PKP4: variants seen among roughly 807,000 people sequenced by gnomAD.
PKP4 encodes the protein plakophilin 4.
PKP4 carries 90 observed loss-of-function variants against 145.1 expected under a neutral mutation model. That is an observed-to-expected ratio of 0.62 (90% confidence interval 0.52 to 0.74). The LOEUF is 0.74. Ranked by LOEUF, PKP4 falls within the 30% of genes least tolerant of loss-of-function variation. PKP4 has a pLI of 0.00. For missense variants in PKP4, 1,340 were observed against 1,482.7 expected, an observed-to-expected ratio of 0.90 and a Z score of 1.58; for synonymous variants, 563 against 577.2, an observed-to-expected ratio of 0.98 and a Z score of 0.35.
intron 15 of PKP4, among the ~76,000 whole-genome samples, chr2:158,664,130 G>A (rs763775165): frequency 6.6e-6 from 1 of 152,192 alleles, no homozygotes; most frequent in Non-Finnish European, 1.5e-5. Flanking sequence ...CCACTTCCAT[G>A]GCAGTGCAAA....
At chr2:158,567,865 T>C (rs2047119418) in intron 2 of PKP4, among the ~76,000 whole-genome samples, 1 of 152,160 alleles carries the variant, frequency 6.6e-6, no homozygotes, top group Non-Finnish European at 1.5e-5. Context: ...AGATGTGAAC[T>C]GACAGAATTT....
intron 2 of PKP4, among the ~76,000 whole-genome samples, chr2:158,570,234 A>T (rs941709312): frequency 6.6e-6 from 1 of 152,220 alleles, no homozygotes; most frequent in Non-Finnish European, 1.5e-5. Context: ...GCACCAGCCT[A>T]GGTTACAGGA....
chr2:158,513,950 C>G (rs559461273), intron 1 of PKP4, among the ~76,000 whole-genome samples: 13 of 152,264 alleles, frequency 8.5e-5, no homozygotes, highest in Non-Finnish European at 1.8e-4. Flanking sequence ...CCTGACGACC[C>G]CGCTCTCCCA....
intron 19 of PKP4, among the ~76,000 whole-genome samples, chr2:158,676,490 C>T (rs1002006810): frequency 1.3e-5 from 2 of 152,180 alleles, no homozygotes; most frequent in Admixed American, 6.5e-5. Context: ...AGCTTGCCCT[C>T]CAGCTTGAGA....
At chr2:158,651,670 T>C (rs2055376468) in intron 11 of PKP4, among the ~76,000 whole-genome samples, 1 of 151,842 alleles carries the variant, frequency 6.6e-6, no homozygotes, top group South Asian at 2.1e-4. Flanking sequence ...CATCCTCCTG[T>C]CAAACACAAG....
At chr2:158,635,580 A>T (rs6742240) in intron 9 of PKP4, among the ~76,000 whole-genome samples, 1 of 151,880 alleles carries the variant, frequency 6.6e-6, no homozygotes, top group East Asian at 1.9e-4. Context: ...AGGCAGTGAA[A>T]TGTGATGAGA....
intron 7 of PKP4, among the ~76,000 whole-genome samples, chr2:158,626,537 CATCAAA>C (rs2105903291): frequency 6.6e-6 from 1 of 152,318 alleles, no homozygotes; most frequent in African/African-American, 2.4e-5. Context: ...AGAATTGCTG[CATCAAA>C]ATATATGTGT....
rs571199466 is a variant in PKP4 at position 158,611,497 on chromosome 2, A to G, written c.280+8393A>G. Reference sequence around the variant, plus strand: ...CAATACCGAAGATAAATGACAAATGAGAAAGTAGTCCTAAGTCAATTTATC... The same window carrying G: ...CAATACCGAAGATAAATGACAAATGGGAAAGTAGTCCTAAGTCAATTTATC... On this transcript the variant is annotated intron_variant, in intron 4 of 21. Coordinates refer to ENST00000389759, the MANE Select transcript of PKP4 (RefSeq NM_003628.6). 3.9e-5 allele frequency among the ~76,000 whole-genome samples: 6 copies of G among 152,388 alleles called. No individual in the cohort carries two copies. The East Asian group carries it at 1.2e-3, about 29-fold the overall frequency.
At chr2:158,589,349 C>T (rs902973094) in intron 3 of PKP4, among the ~76,000 whole-genome samples, 2 of 152,124 alleles carry the variant, frequency 1.3e-5, no homozygotes, top group Non-Finnish European at 2.9e-5. Context: ...TTTTCTCTTG[C>T]TTTACCATTG....
chr2:158,466,290 C>T (rs187775683), intron 1 of PKP4, among the ~76,000 whole-genome samples: 26 of 152,178 alleles, frequency 1.7e-4, no homozygotes, highest in Non-Finnish European at 3.1e-4. Context: ...GGTCTGAGAC[C>T]CTGATACCAT....
At chr2:158,536,458 C>T (rs1559291262) in intron 2 of PKP4, among the ~76,000 whole-genome samples, 1 of 152,072 alleles carries the variant, frequency 6.6e-6, no homozygotes, top group Non-Finnish European at 1.5e-5. Context: ...TATATCTAAG[C>T]CAGTAAAATA....
At chr2:158,664,748 C>G (rs374477828) in intron 15 of PKP4, among the ~76,000 whole-genome samples, 1 of 152,380 alleles carries the variant, frequency 6.6e-6, no homozygotes, top group South Asian at 2.1e-4. Flanking sequence ...CCAGGCCACT[C>G]TGCTTACCGT....
rs189234159 is a variant in PKP4, at chr2:158,460,958, G to A, written c.-6+3740G>A. 3.6e-3 allele frequency among the ~76,000 whole-genome samples: 542 copies of A among 152,310 alleles called. 6 individuals are homozygous for A. Among genetic ancestry groups the A allele is most frequent in the African/African-American group, 0.012 (507 of 41,566 alleles). ...ACAACACTACAGACAGCTGCAAATA[G>A]AGAAAAGAAGGAAAACTTTTAAGAT... On this transcript the variant is annotated intron_variant, in intron 1 of 21. Coordinates refer to ENST00000389759, the MANE Select transcript of PKP4 (RefSeq NM_003628.6).
intron 2 of PKP4, among the ~76,000 whole-genome samples, chr2:158,571,192 T>C (rs2047384048): frequency 6.6e-6 from 1 of 152,208 alleles, no homozygotes; most frequent in Admixed American, 6.5e-5. Context: ...TGGACTAACT[T>C]GAAGTAAATC....
chr2:158,541,907 A>G (rs2044556609), intron 2 of PKP4, among the ~76,000 whole-genome samples: 1 of 152,178 alleles, frequency 6.6e-6, no homozygotes, highest in South Asian at 2.1e-4. Context: ...ACCACTGCCT[A>G]TGGCCTTCTA....
At chr2:158,575,485 C>T (rs1195358221) in intron 2 of PKP4, among the ~76,000 whole-genome samples, 1 of 152,136 alleles carries the variant, frequency 6.6e-6, no homozygotes, top group Non-Finnish European at 1.5e-5. Flanking sequence ...AAATTCATTC[C>T]TGTACAATGG....
intron 4 of PKP4, among the ~76,000 whole-genome samples, chr2:158,612,489 T>C (rs1370880424): frequency 6.6e-6 from 1 of 152,164 alleles, no homozygotes; most frequent in Non-Finnish European, 1.5e-5. Flanking sequence ...TCTGATAGGA[T>C]TTCTGTAACT....
At chr2:158,494,039 G>T (rs1559220600) in intron 1 of PKP4, among the ~76,000 whole-genome samples, 1 of 152,172 alleles carries the variant, frequency 6.6e-6, no homozygotes, top group East Asian at 1.9e-4. Flanking sequence ...GAGGGAGGCA[G>T]ATTCTTGCCA....
chr2:158,469,321 C>G (rs1238555690), intron 1 of PKP4, among the ~76,000 whole-genome samples: 1 of 152,030 alleles, frequency 6.6e-6, no homozygotes, highest in Admixed American at 6.5e-5. Flanking sequence ...AACTCCTGAC[C>G]TCAGGTGATC....
Sources: allele counts gnomAD v4.1 joint callset (sites outside exome capture counted in the v4.1 genomes callset), GRCh38; gene constraint gnomAD v4.1.1; transcripts MANE v1.5; gene names NCBI Gene and HGNC (gene_info 2026-07-23, HGNC 2026-07-21).